The following MAML2 variants were observed in gnomAD, a reference collection of about 807,000 sequenced individuals.
MAML2 encodes the protein mastermind-like protein 2.
In MAML2, 22 loss-of-function variants were observed where a neutral mutation model predicts 96.1. The ratio of observed to expected loss-of-function variants is 0.23; its 90% CI spans 0.16 to 0.33. MAML2 has a LOEUF of 0.33. MAML2 is among the 10% of genes least tolerant of loss of function. The probability of loss-of-function intolerance (pLI) is 1.00; values close to 1 mark genes in which losing one functional copy is unlikely to be tolerated. For missense variants in MAML2, 1,367 were observed against 1,392.4 expected (o/e 0.98, Z 0.29); for synonymous variants, 561 against 521.3 (o/e 1.08, Z -1.04).
chr11:96,129,799 C>T (rs1565223897), intron 1 of MAML2, among the ~76,000 whole-genome samples: 1 of 152,102 alleles, frequency 6.6e-6, no homozygotes, highest in Non-Finnish European at 1.5e-5. Context: ...CTTTTGGAGT[C>T]CCTGGTGTGT....
intron 2 of MAML2, among the ~76,000 whole-genome samples, chr11:96,032,980 A>G (rs978018191): frequency 6.6e-6 from 1 of 152,234 alleles, no homozygotes; most frequent in Non-Finnish European, 1.5e-5. Context: ...GCGTTTGTCA[A>G]AACTTGGGGC....
At chr11:96,339,804 C>T (rs115818767) in intron 1 of MAML2, among the ~76,000 whole-genome samples, 1 of 152,166 alleles carries the variant, frequency 6.6e-6, no homozygotes, top group Admixed American at 6.5e-5. Flanking sequence ...TCTTTACCCC[C>T]CTCCTTTACC....
Position 96,341,876 on chromosome 11 carries a change from G to A in MAML2, c.20C>T (p.Pro7Leu), listed in dbSNP as rs1324896723. Residue 7 changes from proline (P) to leucine (L), a missense_variant, in exon 1 of 5, where the codon CCG becomes CTG. Transcript: ENST00000524717. Reference sequence around the variant, plus strand: ...CCCTAGCCCTCCTGCGGGGGCCTGCGGGGGCGCTGTGTCCCCCATCTTACC... The same window carrying A: ...CCCTAGCCCTCCTGCGGGGGCCTGCAGGGGCGCTGTGTCCCCCATCTTACC... MGDTAPPQAPAGGLGGA... is the reference protein window; with the variant it reads MGDTAPLQAPAGGLGGA... 3.3e-6 allele frequency: 5 copies of A among 1,535,208 alleles called. No homozygotes were observed. The highest frequency in any genetic ancestry group is 4.0e-5 in the Admixed American group (2 of 50,458).
intron 2 of MAML2, among the ~76,000 whole-genome samples, chr11:96,014,683 G>C (rs919014148): frequency 6.6e-6 from 1 of 152,170 alleles, no homozygotes; most frequent in African/African-American, 2.4e-5. Flanking sequence ...AACAATATTT[G>C]ACTTGAACTG....
At chr11:96,254,448 G>A (rs1340391525) in intron 1 of MAML2, among the ~76,000 whole-genome samples, 2 of 148,766 alleles carry the variant, frequency 1.3e-5, no homozygotes, top group African/African-American at 2.5e-5. Context: ...AGTAGGGCTA[G>A]TAGTTCAAGT....
intron 1 of MAML2, among the ~76,000 whole-genome samples, chr11:96,109,842 T>G (rs543390335): frequency 3.9e-4 from 60 of 152,336 alleles, no homozygotes; most frequent in African/African-American, 1.4e-3. Context: ...AACTTTGGTC[T>G]GTCTGTGCAG....
intron 1 of MAML2, among the ~76,000 whole-genome samples, chr11:96,266,801 G>A (rs546405638): frequency 6.6e-6 from 1 of 152,266 alleles, no homozygotes; most frequent in South Asian, 2.1e-4. Context: ...GGTTAGGTAT[G>A]TTTCCAGGGA....
chr11:96,049,485 T>C (rs1858957516), intron 2 of MAML2, among the ~76,000 whole-genome samples: 2 of 152,326 alleles, frequency 1.3e-5, no homozygotes, highest in African/African-American at 4.8e-5. Context: ...ATAGAAATAA[T>C]GCATAGTTTA....
chr11:95,986,801 A>G (rs1565181589), intron 3 of MAML2, among the ~76,000 whole-genome samples: 1 of 152,062 alleles, frequency 6.6e-6, no homozygotes, highest in Non-Finnish European at 1.5e-5. Flanking sequence ...TCAGCTCCCC[A>G]TTCTAAAAGC....
intron 1 of MAML2, among the ~76,000 whole-genome samples, chr11:96,237,504 A>T (rs1862381076): frequency 6.6e-6 from 1 of 152,238 alleles, no homozygotes. Context: ...TTCTAACTCC[A>T]ATTAAATTGT....
At position 96,093,183 on chromosome 11, in the gene MAML2, A is replaced by C. The variant is rs1401126299; in HGVS notation, c.848T>G (p.Met283Arg). 3.1e-6 allele frequency: 5 copies of C among 1,613,982 alleles called. No individual in the cohort carries two copies. In the South Asian group the frequency reaches 5.5e-5, roughly 18 times the overall value. ...ATTAGGAAAAATATTCTCTTGGGTC[A>C]TTTGGCCATCCATGTGCTTACTGCA... ...LSCSKHMDGQ[M>R]TQENIFPNRY... Residue 283 changes from methionine to arginine, a missense_variant, in exon 2 of 5, where the codon ATG becomes AGG. Met to Arg is a moderately conservative substitution (Grantham distance 91). Transcript: ENST00000524717.
chr11:96,042,735 G>A (rs1017200416), intron 2 of MAML2, among the ~76,000 whole-genome samples: 2 of 139,684 alleles, frequency 1.4e-5, no homozygotes, highest in South Asian at 2.3e-4. Flanking sequence ...CCAACCAATC[G>A]TTAACGTTCT....
At chr11:96,260,127 G>GA (rs967179745) in intron 1 of MAML2, among the ~76,000 whole-genome samples, 46 of 152,076 alleles carry the variant, frequency 3.0e-4, no homozygotes, top group African/African-American at 1.1e-3. Flanking sequence ...TCCTAAAAAT[G>GA]AAGGTTGGAC....
intron 2 of MAML2, among the ~76,000 whole-genome samples, chr11:96,018,225 G>A (rs1157212543): frequency 6.6e-6 from 1 of 152,172 alleles, no homozygotes; most frequent in Non-Finnish European, 1.5e-5. Flanking sequence ...TCTGTGGGGA[G>A]GGAGTTGGAG....
chr11:96,164,105 A>C (rs2135892513), intron 1 of MAML2, among the ~76,000 whole-genome samples: 1 of 151,732 alleles, frequency 6.6e-6, no homozygotes. Flanking sequence ...CGAACTCCTG[A>C]CCTCAAGTTA....
At chr11:96,040,325 A>G (rs1447889034) in intron 2 of MAML2, among the ~76,000 whole-genome samples, 1 of 152,198 alleles carries the variant, frequency 6.6e-6, no homozygotes, top group African/African-American at 2.4e-5. Flanking sequence ...TTGGGGTAAA[A>G]ATTGCATTTT....
At chr11:95,985,892 C>T (rs2509080) in intron 3 of MAML2, among the ~76,000 whole-genome samples, 72,067 of 151,980 alleles carry the variant, frequency 0.47, 19,066 homozygotes, top group African/African-American at 0.7. Context: ...GTAACTACTC[C>T]TATTTTCTTT....
At chr11:96,333,092 G>A (rs1863874632) in intron 1 of MAML2, among the ~76,000 whole-genome samples, 1 of 152,198 alleles carries the variant, frequency 6.6e-6, no homozygotes, top group South Asian at 2.1e-4. Flanking sequence ...CATTTAAGGT[G>A]TTGGGCTTCA....
At chr11:96,079,194 T>A (rs1234315393) in intron 2 of MAML2, among the ~76,000 whole-genome samples, 1 of 152,236 alleles carries the variant, frequency 6.6e-6, no homozygotes, top group African/African-American at 2.4e-5. Flanking sequence ...TAGAAATAAC[T>A]ATTTTAGAAT....
Sources: allele counts gnomAD v4.1 joint callset (sites outside exome capture counted in the v4.1 genomes callset), GRCh38; gene constraint gnomAD v4.1.1; transcripts MANE v1.5; gene names NCBI Gene and HGNC (gene_info 2026-07-23, HGNC 2026-07-21).